Variants in NPAS3 observed in about 807,000 individuals in gnomAD.
NPAS3 encodes neuronal PAS domain-containing protein 3.
NPAS3 carries 14 observed loss-of-function variants against 73.1 expected under a neutral mutation model. That is an observed-to-expected ratio of 0.19 (90% CI 0.13 to 0.30). The LOEUF is 0.30. Ranked by LOEUF, NPAS3 falls within the 10% of genes least tolerant of loss-of-function variation. The probability of loss-of-function intolerance (pLI) is 1.00; values close to 1 mark genes in which losing one functional copy is unlikely to be tolerated. For synonymous variants in NPAS3, 620 were observed against 541.5 expected (o/e 1.14, Z -2.01); for missense variants, 1,096 against 1,250.0 (o/e 0.88, Z 1.86).
At chr14:33,155,835 A>C (rs548309704) in intron 2 of NPAS3, among the ~76,000 whole-genome samples, 23 of 152,334 alleles carry the variant, frequency 1.5e-4, no homozygotes, top group African/African-American at 3.4e-4. Context: ...GCAACATCAA[A>C]ATAGTGAATA....
intron 5 of NPAS3, among the ~76,000 whole-genome samples, chr14:33,595,232 C>A (rs746052251): frequency 6.6e-6 from 1 of 151,912 alleles, no homozygotes; most frequent in East Asian, 1.9e-4. Flanking sequence ...TGCCTTATGC[C>A]TCATTTGCTG....
At chr14:33,260,692 C>A (rs1051851814) in intron 3 of NPAS3, among the ~76,000 whole-genome samples, 1 of 152,080 alleles carries the variant, frequency 6.6e-6, no homozygotes, top group African/African-American at 2.4e-5. Flanking sequence ...TTGTCCTGGT[C>A]TTCCTCATTT....
intron 2 of NPAS3, among the ~76,000 whole-genome samples, chr14:33,079,683 C>T (rs1339277573): frequency 7.4e-6 from 1 of 134,954 alleles, no homozygotes; most frequent in African/African-American, 2.8e-5. Flanking sequence ...GCCATCTCGG[C>T]TAACTGCATC....
chr14:33,350,606 A>G (rs564896512), intron 3 of NPAS3, among the ~76,000 whole-genome samples: 2 of 152,380 alleles, frequency 1.3e-5, no homozygotes, highest in South Asian at 2.1e-4. Context: ...AGCTGTAACT[A>G]TTAGCCAATT....
chr14:33,449,131 C>T (rs17101181), intron 4 of NPAS3, among the ~76,000 whole-genome samples: 2,197 of 152,150 alleles, frequency 0.014, 31 homozygotes, highest in Middle Eastern at 0.061. Flanking sequence ...GTATGTCCAC[C>T]GAAAAGAGAC....
intron 3 of NPAS3, among the ~76,000 whole-genome samples, chr14:33,269,023 T>G (rs1221747717): frequency 2.6e-5 from 4 of 152,152 alleles, no homozygotes; most frequent in African/African-American, 9.7e-5. Context: ...TGCGATCTAG[T>G]GCATCCACCC....
intron 3 of NPAS3, among the ~76,000 whole-genome samples, chr14:33,304,091 T>C (rs768471615): frequency 1.3e-5 from 2 of 152,178 alleles, no homozygotes; most frequent in Non-Finnish European, 2.9e-5. Context: ...GTATTTTTAG[T>C]AAAGACGGGG....
At chr14:33,599,072 T>C (rs539366390) in intron 5 of NPAS3, among the ~76,000 whole-genome samples, 2 of 152,348 alleles carry the variant, frequency 1.3e-5, no homozygotes, top group African/African-American at 4.8e-5. Context: ...ACATGTTTTT[T>C]TTATCAGGCA....
chr14:33,512,414 A>T (rs910842715), intron 4 of NPAS3, among the ~76,000 whole-genome samples: 3 of 152,020 alleles, frequency 2.0e-5, no homozygotes, highest in African/African-American at 7.2e-5. Flanking sequence ...TTGATCTGAA[A>T]CAAGAAGAAG....
At chr14:33,058,131 AAAAAAACATGGATAGTATTGT>A in intron 2 of NPAS3, among the ~76,000 whole-genome samples, 1 of 152,144 alleles carries the variant, frequency 6.6e-6, no homozygotes, top group East Asian at 1.9e-4. Context: ...ATTGTAAAAA[AAAAAAACATGGATAGTATTGT>A]AAAAAACATG....
At chr14:33,230,597 A>C (rs139450048) in intron 3 of NPAS3, among the ~76,000 whole-genome samples, 3 of 152,210 alleles carry the variant, frequency 2.0e-5, no homozygotes, top group Non-Finnish European at 2.9e-5. Context: ...CCAAAATGAC[A>C]TAACATTTAA....
At chr14:33,217,365 T>C (rs2047263817) in intron 3 of NPAS3, among the ~76,000 whole-genome samples, 1 of 152,182 alleles carries the variant, frequency 6.6e-6, no homozygotes, top group Non-Finnish European at 1.5e-5. Context: ...GATGTAAATA[T>C]AATTGTGATA....
chr14:33,291,661 G>T (rs1258013751), intron 3 of NPAS3, among the ~76,000 whole-genome samples: 1 of 152,202 alleles, frequency 6.6e-6, no homozygotes, highest in Non-Finnish European at 1.5e-5. Flanking sequence ...TCCACTTTCT[G>T]TTCAGGTACA....
intron 4 of NPAS3, among the ~76,000 whole-genome samples, chr14:33,538,731 C>T (rs1339855839): frequency 6.6e-6 from 1 of 152,154 alleles, no homozygotes; most frequent in Non-Finnish European, 1.5e-5. Context: ...TACATAAAGG[C>T]TTGATTAAAA....
At chr14:33,658,489 C>A (rs547449815) in intron 5 of NPAS3, among the ~76,000 whole-genome samples, 39 of 152,316 alleles carry the variant, frequency 2.6e-4, no homozygotes, top group Non-Finnish European at 1.0e-4. Flanking sequence ...GTGGTTCTCC[C>A]TCTACTTCCA....
At chr14:33,353,572 G>A (rs2045183508) in intron 3 of NPAS3, among the ~76,000 whole-genome samples, 1 of 152,218 alleles carries the variant, frequency 6.6e-6, no homozygotes, top group African/African-American at 2.4e-5. Context: ...AAGTAAGTAG[G>A]AAGCCTCAAA....
chr14:33,057,591 C>T (rs1002262286), intron 2 of NPAS3, among the ~76,000 whole-genome samples: 1 of 152,114 alleles, frequency 6.6e-6, no homozygotes, highest in Non-Finnish European at 1.5e-5. Flanking sequence ...ATTAGGAGCC[C>T]GGATGGGGCC....
chr14:33,488,889 C>A (rs1335482145), intron 4 of NPAS3, among the ~76,000 whole-genome samples: 2 of 152,134 alleles, frequency 1.3e-5, no homozygotes, highest in East Asian at 1.9e-4. Context: ...GTGTAAAACA[C>A]CAGCATGTGC....
intron 2 of NPAS3, among the ~76,000 whole-genome samples, chr14:33,133,839 G>C (rs890876310): frequency 1.2e-4 from 18 of 152,234 alleles, no homozygotes; most frequent in South Asian, 2.1e-4. Flanking sequence ...AGAAGCCACG[G>C]GCATTCCAGA....
Sources: gnomAD v4.1 joint callset for allele counts (sites outside exome capture counted in the v4.1 genomes callset) on GRCh38, gnomAD v4.1.1 for gene constraint, MANE v1.5 for transcripts, NCBI Gene and HGNC (gene_info 2026-07-23, HGNC 2026-07-21) for gene names.